The following RMDN2 variants were observed in gnomAD, a reference collection of about 807,000 sequenced individuals.
RMDN2 encodes regulator of microtubule dynamics protein 2.
A neutral mutation model predicts 52.8 loss-of-function variants in RMDN2; 61 were observed. The ratio of observed to expected loss-of-function variants is 1.16; its 90% CI spans 0.94 to 1.43. The LOEUF is 1.43. Among genes scored for constraint, RMDN2 ranks in the 40% most tolerant of loss-of-function variants. RMDN2 has a pLI of 0.00. For synonymous variants in RMDN2, 180 were observed against 153.1 expected, an observed-to-expected ratio of 1.18 and a Z score of -1.30; for missense variants, 592 against 475.3, an observed-to-expected ratio of 1.25 and a Z score of -2.28.
chr2:38,053,414 C>G (rs554492808), intron 10 of RMDN2, among the ~76,000 whole-genome samples: 14 of 152,244 alleles, frequency 9.2e-5, no homozygotes, highest in Admixed American at 2.6e-4. Flanking sequence ...CCATATGTGC[C>G]ACAGCAGGAG....
At chr2:38,010,157 C>T (rs1206647624) in intron 10 of RMDN2, among the ~76,000 whole-genome samples, 1 of 152,190 alleles carries the variant, frequency 6.6e-6, no homozygotes, top group East Asian at 1.9e-4. Context: ...ACTCAGGGGT[C>T]AGGGACCCAC....
intron 5 of RMDN2, among the ~76,000 whole-genome samples, chr2:37,988,642 C>G (rs115010001): frequency 1.3e-5 from 2 of 152,004 alleles, no homozygotes; most frequent in Non-Finnish European, 2.9e-5. Context: ...AAATAACATC[C>G]AAAGTTACAT....
intron 10 of RMDN2, among the ~76,000 whole-genome samples, chr2:38,007,167 T>C (rs1373375252): frequency 1.4e-4 from 22 of 152,178 alleles, no homozygotes. Flanking sequence ...TAAAATTCTC[T>C]TTTTTTGTTG....
exon 11 of RMDN2, chr2:38,067,030 A>G (rs748671961): frequency 1.2e-6 from 2 of 1,609,482 alleles, no homozygotes; most frequent in South Asian, 2.2e-5. Context: ...AAGCCCTGTC[A>G]TCTGTGAGTG....
chr2:38,008,361 A>G (rs541351252), intron 10 of RMDN2, among the ~76,000 whole-genome samples: 2 of 152,150 alleles, frequency 1.3e-5, no homozygotes, highest in Non-Finnish European at 2.9e-5. Context: ...GTAAGTCACT[A>G]AGGACTTGTT....
At chr2:38,036,048 A>T (rs553004160) in intron 10 of RMDN2, 2 of 152,176 alleles carry the variant, frequency 1.3e-5, no homozygotes, top group East Asian at 3.9e-4. Flanking sequence ...AGATAAGAGG[A>T]ACTAAATAGC....
chr2:37,998,089 A>G (rs896169940), intron 8 of RMDN2: 2 of 152,298 alleles, frequency 1.3e-5, no homozygotes, highest in African/African-American at 2.4e-5. Context: ...GTGTGAGCTC[A>G]CATGTAAATG....
At chr2:38,028,829 C>G (rs1679972104) in intron 10 of RMDN2, among the ~76,000 whole-genome samples, 1 of 152,134 alleles carries the variant, frequency 6.6e-6, no homozygotes, top group Non-Finnish European at 1.5e-5. Flanking sequence ...CCTTGGGGGT[C>G]AAGGTCAGGG....
chr2:37,949,096 A>G (rs1668479980), intron 2 of RMDN2, among the ~76,000 whole-genome samples: 1 of 152,214 alleles, frequency 6.6e-6, no homozygotes, highest in Non-Finnish European at 1.5e-5. Context: ...AGTGCGGCTT[A>G]GGAACAAAAG....
chr2:37,935,927 C>A (rs2124911623), intron 2 of RMDN2, among the ~76,000 whole-genome samples: 1 of 152,022 alleles, frequency 6.6e-6, no homozygotes, highest in Admixed American at 6.5e-5. Flanking sequence ...ACTTTAAGTT[C>A]TGGGATACAT....
At chr2:38,004,087 A>G (rs551693463) in intron 9 of RMDN2, 43 bp downstream of exon 9, 1 of 1,605,426 alleles carries the variant, frequency 6.2e-7, no homozygotes, top group Non-Finnish European at 8.5e-7. Flanking sequence ...CTTTGAACCT[A>G]TCGCATAAAA....
chr2:37,947,905 TG>T (rs1461787586), intron 2 of RMDN2, among the ~76,000 whole-genome samples: 1 of 152,184 alleles, frequency 6.6e-6, no homozygotes, highest in East Asian at 1.9e-4. Context: ...TCTCCCCGTG[TG>T]TAATGTAGAT....
chr2:37,928,598 T>C (rs1192475332), intron 1 of RMDN2, among the ~76,000 whole-genome samples: 1 of 152,216 alleles, frequency 6.6e-6, no homozygotes, highest in African/African-American at 2.4e-5. Context: ...CTCCCACCAC[T>C]GCATCTACCC....
intron 1 of RMDN2, chr2:37,929,001 TTTTG>T (rs921205844): frequency 4.5e-5 from 11 of 246,366 alleles, no homozygotes; most frequent in Admixed American, 1.0e-4. Context: ...CCTGGGGTTT[TTTTG>T]TTTGTTTGTT....
In RMDN2 at chr2:38,004,044, G is replaced by C. The variant is rs763679043; in HGVS notation, c.1098G>C (p.Lys366Asn). 17 of 1,612,444 alleles carry C rather than the reference G, an allele frequency of 1.1e-5. No individual in the cohort carries two copies. The South Asian group carries it at 1.5e-4, about 15-fold the overall frequency. Residue 366 changes from lysine to asparagine, a missense_variant and splice_region_variant, in exon 9 of 11, where the codon AAG becomes AAC. Physicochemically the swap from Lys to Asn is moderately conservative, Grantham distance 94. Coordinates refer to ENST00000354545, the MANE Select transcript of RMDN2 (RefSeq NM_001170791.3). The part of the protein sequence containing the change: ...YSNPNYMYLA[K>N]CYTDLEENQN... ...ATCCCAATTACATGTACTTAGCAAA[G>C]GTAATGAAGACCACTGTTCTGCTTT...
intron 10 of RMDN2, among the ~76,000 whole-genome samples, chr2:38,054,726 C>T (rs897456998): frequency 4.5e-4 from 68 of 152,276 alleles, no homozygotes; most frequent in Non-Finnish European, 4.4e-5. Context: ...CTCTTCTCTA[C>T]CATCTTTCTT....
rs1431845112 is a variant in RMDN2 at position 37,974,025 on chromosome 2, T to C, written c.453-15T>C. The C allele has an allele frequency of 6.3e-7, 1 of 1,594,418 alleles. No individual in the cohort carries two copies. Among genetic ancestry groups the C allele is most frequent in the Non-Finnish European group, 8.5e-7 (1 of 1,169,940 alleles). On this transcript the variant is annotated splice_polypyrimidine_tract_variant and intron_variant, in intron 2 of 10. Transcript: ENST00000354545. ...TAACTTTCAAAGGAGTTGATGATTA[T>C]TTCTGCGATTTTAGGTATATTACAG...
intron 10 of RMDN2, among the ~76,000 whole-genome samples, chr2:38,056,334 G>A (rs188384003): frequency 5.3e-5 from 8 of 152,264 alleles, no homozygotes; most frequent in East Asian, 1.9e-4. Context: ...GGAGAATTAC[G>A]TAGTTCTTAA....
chr2:37,945,235 A>G (rs1388871352), intron 2 of RMDN2, among the ~76,000 whole-genome samples: 2 of 152,208 alleles, frequency 1.3e-5, no homozygotes, highest in African/African-American at 4.8e-5. Context: ...ATAATAACCA[A>G]TAGATTCTTA....
Sources: gnomAD v4.1 joint callset for allele counts (sites outside exome capture counted in the v4.1 genomes callset) on GRCh38, gnomAD v4.1.1 for gene constraint, MANE v1.5 for transcripts, NCBI Gene and HGNC (gene_info 2026-07-23, HGNC 2026-07-21) for gene names.